The following LINGO2 variants were observed in gnomAD, a reference collection of about 807,000 sequenced individuals.
LINGO2 encodes the protein leucine rich repeat and Ig domain containing 2.
LINGO2 carries 14 observed loss-of-function variants against 30.6 expected under a neutral mutation model. The observed-to-expected ratio is 0.46, with a 90% CI of 0.30 to 0.72. LINGO2 has a LOEUF of 0.72. Ranked by LOEUF, LINGO2 falls within the 30% of genes least tolerant of loss-of-function variation. The probability of loss-of-function intolerance (pLI) is 0.07; values close to 1 mark genes in which losing one functional copy is unlikely to be tolerated. For synonymous variants in LINGO2, 317 were observed against 288.5 expected, an observed-to-expected ratio of 1.10 and a Z score of -1.00; for missense variants, 729 against 751.7, an observed-to-expected ratio of 0.97 and a Z score of 0.35.
At chr9:28,416,007 A>G (rs1307156175) in intron 2 of LINGO2, among the ~76,000 whole-genome samples, 1 of 152,184 alleles carries the variant, frequency 6.6e-6, no homozygotes, top group Non-Finnish European at 1.5e-5. Context: ...AGACTTGAAC[A>G]AAATTATTTC....
At chr9:27,994,539 G>A (rs982865309) in intron 5 of LINGO2, among the ~76,000 whole-genome samples, 1 of 152,058 alleles carries the variant, frequency 6.6e-6, no homozygotes, top group East Asian at 1.9e-4. Flanking sequence ...ATATGAGGAG[G>A]GGAAGTTCCT....
the LINGO2 span, among the ~76,000 whole-genome samples, chr9:28,675,924 TAC>T: frequency 0.12 from 16,154 of 137,096 alleles, 1,186 homozygotes; most frequent in African/African-American, 0.23. Flanking sequence ...TATATATATA[TAC>T]ATACACACAC....
chr9:28,187,057 A>T (rs1326651218), intron 4 of LINGO2, among the ~76,000 whole-genome samples: 1 of 152,184 alleles, frequency 6.6e-6, no homozygotes, highest in Non-Finnish European at 1.5e-5. Flanking sequence ...ACACAGGCAG[A>T]CCAGTTAGGA....
chr9:28,314,173 A>T (rs890364720), intron 3 of LINGO2, among the ~76,000 whole-genome samples: 1 of 152,148 alleles, frequency 6.6e-6, no homozygotes, highest in African/African-American at 2.4e-5. Flanking sequence ...TGACCTCGTG[A>T]TCTGTCCGCC....
chr9:28,731,742 T>C, the LINGO2 span, among the ~76,000 whole-genome samples: 1 of 152,222 alleles, frequency 6.6e-6, no homozygotes, highest in African/African-American at 2.4e-5. Flanking sequence ...CACAGAAGTA[T>C]GAATATAGCT....
At chr9:28,034,745 TTA>T (rs1491476904) in intron 4 of LINGO2, among the ~76,000 whole-genome samples, 1 of 152,242 alleles carries the variant, frequency 6.6e-6, no homozygotes, top group Non-Finnish European at 1.5e-5. Context: ...AAATTGCTAC[TTA>T]TTTTTATAAA....
At chr9:28,217,046 A>T (rs1820792114) in intron 4 of LINGO2, among the ~76,000 whole-genome samples, 1 of 151,544 alleles carries the variant, frequency 6.6e-6, no homozygotes, top group African/African-American at 2.4e-5. Context: ...GACATTTATT[A>T]ATGTAGTTAC....
chr9:28,617,204 T>G (rs1826167652), intron 1 of LINGO2, among the ~76,000 whole-genome samples: 1 of 152,302 alleles, frequency 6.6e-6, no homozygotes, highest in Admixed American at 6.5e-5. Context: ...CTAATTAGTT[T>G]CATGATTATA....
At chr9:28,030,628 G>A (rs1007739310) in intron 4 of LINGO2, among the ~76,000 whole-genome samples, 1 of 152,204 alleles carries the variant, frequency 6.6e-6, no homozygotes, top group African/African-American at 2.4e-5. Context: ...CCAGGACCTG[G>A]TATCACAGCA....
the LINGO2 span, among the ~76,000 whole-genome samples, chr9:28,675,732 G>A: frequency 6.6e-6 from 1 of 151,292 alleles, no homozygotes; most frequent in African/African-American, 2.4e-5. Flanking sequence ...TTAGCCAGGT[G>A]TGGTGGCAGG....
the LINGO2 span, among the ~76,000 whole-genome samples, chr9:28,906,233 A>C: frequency 6.6e-6 from 1 of 151,978 alleles, no homozygotes; most frequent in Non-Finnish European, 1.5e-5. Flanking sequence ...TTTATTGTAC[A>C]ATATGATGAC....
chr9:28,991,499 C>A, the LINGO2 span, among the ~76,000 whole-genome samples: 5 of 140,872 alleles, frequency 3.5e-5, no homozygotes, highest in African/African-American at 1.3e-4. Flanking sequence ...TGTTCAGATT[C>A]AGGAAATACA....
At chr9:29,165,540 T>C in the LINGO2 span, among the ~76,000 whole-genome samples, 1 of 152,206 alleles carries the variant, frequency 6.6e-6, no homozygotes, top group South Asian at 2.1e-4. Context: ...CTCCTGAGCC[T>C]AGGATAAGCT....
chr9:29,087,253 A>G, the LINGO2 span, among the ~76,000 whole-genome samples: 1 of 152,170 alleles, frequency 6.6e-6, no homozygotes, highest in East Asian at 1.9e-4. Flanking sequence ...GGTAAGTTCT[A>G]CAAGACTCAG....
intron 1 of LINGO2, among the ~76,000 whole-genome samples, chr9:28,583,963 A>G (rs751456983): frequency 5.3e-5 from 8 of 152,028 alleles, no homozygotes; most frequent in Non-Finnish European, 1.2e-4. Flanking sequence ...CTCTTGATAG[A>G]AAGGATGGAT....
the LINGO2 span, among the ~76,000 whole-genome samples, chr9:28,759,661 G>C: frequency 6.6e-6 from 1 of 151,068 alleles, no homozygotes; most frequent in Non-Finnish European, 1.5e-5. Context: ...CAGCCTGGGC[G>C]ATAGAGCAAG....
At chr9:28,581,211 A>G (rs1028097375) in intron 1 of LINGO2, among the ~76,000 whole-genome samples, 30 of 152,000 alleles carry the variant, frequency 2.0e-4, no homozygotes, top group African/African-American at 7.2e-4. Flanking sequence ...AGTTTCTTAC[A>G]GTAAGAAAAC....
Position 28,078,535 on chromosome 9 carries a change from C to T in LINGO2, c.-86-66130G>A, listed in dbSNP as rs1479694373. Among the ~76,000 whole-genome samples, 5 of 148,350 alleles carry T rather than the reference C, an allele frequency of 3.4e-5. No individual in the cohort carries two copies. In the East Asian group the frequency reaches 9.7e-4, roughly 29 times the overall value. On this transcript the variant is annotated intron_variant, in intron 4 of 5. Coordinates refer to ENST00000379992, the Ensembl canonical transcript of LINGO2. The stretch of plus-strand genomic sequence containing the variant: ...TTATTGACAAATTATGTTATATTGA[C>T]CTTGCTTTATTTTGGGTTAAGATCT...
At chr9:29,057,106 G>C in the LINGO2 span, among the ~76,000 whole-genome samples, 1 of 151,916 alleles carries the variant, frequency 6.6e-6, no homozygotes, top group Admixed American at 6.6e-5. Context: ...GGAATTTTAA[G>C]ATTTTTTTTT....
Sources: gnomAD v4.1 joint callset for allele counts (sites outside exome capture counted in the v4.1 genomes callset) on GRCh38, gnomAD v4.1.1 for gene constraint, MANE v1.5 for transcripts, NCBI Gene and HGNC (gene_info 2026-07-23, HGNC 2026-07-21) for gene names.